SOX5: variants seen among roughly 807,000 people sequenced by gnomAD.
SOX5 encodes the protein SRY-box transcription factor 5.
SOX5 carries 9 observed loss-of-function variants against 92.0 expected under a neutral mutation model. The observed-to-expected ratio is 0.10, with a 90% CI of 0.06 to 0.17. The LOEUF is 0.17. SOX5 is among the 10% of genes least tolerant of loss of function. The pLI is 1.00. For missense variants in SOX5, 642 were observed against 944.5 expected (o/e 0.68, Z 4.20); for synonymous variants, 344 against 336.3 (o/e 1.02, Z -0.25).
intron 10 of SOX5, among the ~76,000 whole-genome samples, chr12:23,567,162 A>C (rs1947259301): frequency 6.6e-6 from 1 of 152,238 alleles, no homozygotes; most frequent in South Asian, 2.1e-4. Context: ...AGGTTCAGTT[A>C]AATGGGCGTC....
chr12:24,158,200 A>G (rs974972969), intron 4 of SOX5, among the ~76,000 whole-genome samples: 7 of 152,066 alleles, frequency 4.6e-5, no homozygotes, highest in African/African-American at 1.7e-4. Context: ...AAGGCAGTAG[A>G]AAAGGCGGCA....
chr12:24,118,329 A>G (rs1948274392), intron 4 of SOX5, among the ~76,000 whole-genome samples: 1 of 152,160 alleles, frequency 6.6e-6, no homozygotes, highest in South Asian at 2.1e-4. Flanking sequence ...ACTATCTACT[A>G]TGTATACATA....
intron 4 of SOX5, among the ~76,000 whole-genome samples, chr12:24,177,494 T>C (rs1954953369): frequency 6.6e-6 from 1 of 152,158 alleles, no homozygotes; most frequent in Non-Finnish European, 1.5e-5. Context: ...AATCTAGAAA[T>C]AGATCTCAAG....
chr12:23,603,129 G>A (rs907087526), intron 9 of SOX5, among the ~76,000 whole-genome samples: 1 of 151,898 alleles, frequency 6.6e-6, no homozygotes, highest in Non-Finnish European at 1.5e-5. Flanking sequence ...AAAAGGACTG[G>A]GGAATTCTAG....
intron 2 of SOX5, among the ~76,000 whole-genome samples, chr12:24,310,887 T>G (rs1420442664): frequency 6.6e-6 from 1 of 152,048 alleles, no homozygotes; most frequent in Non-Finnish European, 1.5e-5. Flanking sequence ...AAAAGTATAC[T>G]TCCATATTTT....
At chr12:23,654,167 G>T (rs1592983386) in intron 7 of SOX5, among the ~76,000 whole-genome samples, 1 of 152,042 alleles carries the variant, frequency 6.6e-6, no homozygotes, top group East Asian at 1.9e-4. Context: ...AATGAAACGG[G>T]ACAGAGAGGC....
intron 11 of SOX5, among the ~76,000 whole-genome samples, chr12:23,547,399 A>G (rs189161835): frequency 1.4e-4 from 21 of 152,254 alleles, no homozygotes; most frequent in African/African-American, 4.8e-4. Context: ...TTTTCTGAGG[A>G]ACATAGTCAT....
Position 24,002,370 on chromosome 12 carries a change from G to A in SOX5, c.-1-106346C>T, listed in dbSNP as rs568200494. Among the ~76,000 whole-genome samples the A allele has an allele frequency of 1.2e-4, 19 of 152,120 alleles. 2 individuals carry two copies. The South Asian group carries it at 3.9e-3, about 32-fold the overall frequency. ...AAACCTATATTACCAAATGAAGGAT[G>A]AAAGGAGAAACATCACTACTGACCT... is the stretch of plus-strand genomic sequence containing the variant. On this transcript the variant is annotated intron_variant, in intron 4 of 4. Coordinates refer to the SOX5 transcript ENST00000446891.
chr12:23,829,088 C>A (rs1015614172), intron 3 of SOX5, among the ~76,000 whole-genome samples: 12 of 151,966 alleles, frequency 7.9e-5, no homozygotes, highest in Admixed American at 2.0e-4. Flanking sequence ...CTAGTGCTGT[C>A]CATGCCTTTC....
chr12:23,565,102 T>C (rs1301985523), intron 10 of SOX5, among the ~76,000 whole-genome samples: 1 of 152,196 alleles, frequency 6.6e-6, no homozygotes, highest in Non-Finnish European at 1.5e-5. Flanking sequence ...TCATTGGAAC[T>C]TATTCAAAGA....
At chr12:24,444,675 C>T (rs1941193152) in intron 1 of SOX5, among the ~76,000 whole-genome samples, 1 of 152,150 alleles carries the variant, frequency 6.6e-6, no homozygotes, top group African/African-American at 2.4e-5. Context: ...GAAGCCGCCT[C>T]ATCCAAAACT....
chr12:23,899,567 G>C (rs1320969601), intron 1 of SOX5, among the ~76,000 whole-genome samples: 2 of 152,162 alleles, frequency 1.3e-5, no homozygotes, highest in Admixed American at 6.5e-5. Flanking sequence ...CACTTCTGTG[G>C]TGCTAGGCTT....
At chr12:23,972,511 C>T (rs1165970188) in intron 4 of SOX5, among the ~76,000 whole-genome samples, 2 of 138,350 alleles carry the variant, frequency 1.4e-5, no homozygotes, top group African/African-American at 5.0e-5. Context: ...GCGCCCACCA[C>T]TACGCCTGGC....
At chr12:24,486,674 AGTAGTTTCAG>A (rs1222678423) in intron 1 of SOX5, among the ~76,000 whole-genome samples, 4 of 152,142 alleles carry the variant, frequency 2.6e-5, no homozygotes, top group Non-Finnish European at 5.9e-5. Context: ...AATGTAACAG[AGTAGTTTCAG>A]GCCCACATCA....
chr12:24,199,452 T>C (rs1957314810), intron 4 of SOX5, among the ~76,000 whole-genome samples: 1 of 152,220 alleles, frequency 6.6e-6, no homozygotes, highest in African/African-American at 2.4e-5. Flanking sequence ...AGAATCTCTA[T>C]GTCTGAACGG....
At chr12:24,539,322 C>A (rs1418707664) in intron 1 of SOX5, among the ~76,000 whole-genome samples, 1 of 151,980 alleles carries the variant, frequency 6.6e-6, no homozygotes, top group Non-Finnish European at 1.5e-5. Context: ...AGGTAGTTAA[C>A]CAGGGTAAAA....
At position 24,053,185 on chromosome 12, in the gene SOX5, C is replaced by G. The variant is rs527373970; in HGVS notation, c.-1-157161G>C. Among the ~76,000 whole-genome samples, 423 of 146,170 alleles carry G rather than the reference C, an allele frequency of 2.9e-3. 5 individuals are homozygous for G. Among genetic ancestry groups the G allele is most frequent in the Admixed American group, 9.6e-3 (143 of 14,904 alleles). ...AAGCCAATGCTACTGCACGCCCCCC[C>G]CCTTTTTTTTTTTTGAGATGGAGTC... is the stretch of plus-strand genomic sequence containing the variant. On this transcript the variant is annotated intron_variant, in intron 4 of 4. Coordinates refer to the SOX5 transcript ENST00000446891.
intron 2 of SOX5, among the ~76,000 whole-genome samples, chr12:24,355,559 C>T (rs1954733749): frequency 6.6e-6 from 1 of 152,072 alleles, no homozygotes; most frequent in Non-Finnish European, 1.5e-5. Flanking sequence ...AGGCCAGATT[C>T]AGGGCCCACT....
At chr12:24,324,469 T>TA (rs1950493978) in intron 2 of SOX5, among the ~76,000 whole-genome samples, 1 of 152,096 alleles carries the variant, frequency 6.6e-6, no homozygotes, top group South Asian at 2.1e-4. Flanking sequence ...ACTCTATATA[T>TA]AGTTGCGACA....
Sources: allele counts gnomAD v4.1 joint callset (sites outside exome capture counted in the v4.1 genomes callset), GRCh38; gene constraint gnomAD v4.1.1; transcripts MANE v1.5; gene names NCBI Gene and HGNC (gene_info 2026-07-23, HGNC 2026-07-21).